Variants in FLVCR2 observed in about 807,000 individuals in gnomAD.
FLVCR2 encodes FLVCR choline and putative heme transporter 2, also known as choline/ethanolamine transporter FLVCR2.
In FLVCR2, 38 loss-of-function variants were observed where a neutral mutation model predicts 48.9. The ratio of observed to expected loss-of-function variants is 0.78; its 90% CI spans 0.60 to 1.02. FLVCR2 has a LOEUF of 1.02. FLVCR2 is among the 50% of genes least tolerant of loss of function. FLVCR2 has a pLI of 0.00. For missense variants in FLVCR2, 664 were observed against 663.3 expected, an observed-to-expected ratio of 1.00 and a Z score of -0.01; for synonymous variants, 255 against 257.0, an observed-to-expected ratio of 0.99 and a Z score of 0.07.
intron 3 of FLVCR2, among the ~76,000 whole-genome samples, chr14:75,633,210 G>C (rs1890088615): frequency 6.6e-6 from 1 of 152,180 alleles, no homozygotes; most frequent in South Asian, 2.1e-4. Flanking sequence ...GATGGTGTCA[G>C]ATGTCAGAGG....
chr14:75,632,759 C>T (rs1890076490), intron 3 of FLVCR2: 4 of 702,122 alleles, frequency 5.7e-6, no homozygotes, highest in Middle Eastern at 2.3e-4. Context: ...GAAAGACCCC[C>T]GGTGGGCATT....
At chr14:75,625,173 C>T (rs1316908765) in intron 3 of FLVCR2, among the ~76,000 whole-genome samples, 2 of 152,104 alleles carry the variant, frequency 1.3e-5, no homozygotes, top group African/African-American at 4.8e-5. Context: ...TCAGCAGTGT[C>T]GGGCCTCGAG....
At position 75,640,794 on chromosome 14, in the gene FLVCR2, T is replaced by G; in HGVS notation, c.1236-161T>G. The G allele has an allele frequency of 1.0e-5, 7 of 683,874 alleles. 1 individual carries two copies. The South Asian group carries it at 1.1e-4, about 11-fold the overall frequency. 42.4% of individuals were successfully genotyped at this position (683,874 alleles called of 1,614,324 possible). Reference sequence around the variant, plus strand: ...TGGCCTTCAGGGGTGCCCGTCTCCTTGGTATGATCACATAGAGGATGCCCA... The same window carrying G: ...TGGCCTTCAGGGGTGCCCGTCTCCTGGGTATGATCACATAGAGGATGCCCA... On this transcript the variant is annotated intron_variant, in intron 6 of 9. Coordinates refer to ENST00000238667, the MANE Select transcript of FLVCR2 (RefSeq NM_017791.3).
chr14:75,634,904 C>T lies in FLVCR2; in HGVS notation c.1021-6C>T, dbSNP rs1280435611. ...CGGGTGATCTTTGGGGTTATGGTTT[C>T]CCCAGGGGGAAGAAGTGAATGCTGG... On this transcript the variant is annotated splice_region_variant and splice_polypyrimidine_tract_variant and intron_variant, in intron 4 of 9. Coordinates refer to ENST00000238667, the MANE Select transcript of FLVCR2 (RefSeq NM_017791.3). 3 of 1,604,396 alleles carry T rather than the reference C, an allele frequency of 1.9e-6. No homozygotes were observed. Among genetic ancestry groups the T allele is most frequent in the Admixed American group, 3.3e-5 (2 of 59,920 alleles).
chr14:75,620,905 C>T (rs536138469), intron 1 of FLVCR2, among the ~76,000 whole-genome samples: 1 of 152,188 alleles, frequency 6.6e-6, no homozygotes, highest in Non-Finnish European at 1.5e-5. Context: ...GTAGCTCTTT[C>T]AAGTACAACA....
chr14:75,631,921 A>G (rs748956503), intron 3 of FLVCR2: 15 of 447,318 alleles, frequency 3.4e-5, no homozygotes, highest in Non-Finnish European at 6.3e-5. Context: ...AGTTGTAGTG[A>G]TGTTTGGGGA....
chr14:75,646,076 G>A (rs1888628746), intron 9 of FLVCR2, among the ~76,000 whole-genome samples: 1 of 152,120 alleles, frequency 6.6e-6, no homozygotes, highest in South Asian at 2.1e-4. Flanking sequence ...AGGGAAAAGG[G>A]GCTTTGCTTC....
chr14:75,584,893 T>A (rs1335396726), intron 1 of FLVCR2, among the ~76,000 whole-genome samples: 1 of 152,234 alleles, frequency 6.6e-6, no homozygotes, highest in African/African-American at 2.4e-5. Context: ...AAAGGTCTGA[T>A]AGGCACATGT....
chr14:75,616,417 T>C (rs1286320607), intron 1 of FLVCR2, among the ~76,000 whole-genome samples: 1 of 152,056 alleles, frequency 6.6e-6, no homozygotes, highest in East Asian at 1.9e-4. Context: ...GGGACCAAAT[T>C]TGATGGAAGC....
At chr14:75,640,258 C>CAAAA (rs11453901) in intron 6 of FLVCR2, among the ~76,000 whole-genome samples, 1 of 97,624 alleles carries the variant, frequency 1.0e-5, no homozygotes, top group Non-Finnish European at 1.9e-5. Context: ...GACTCCGTCT[C>CAAAA]AAAAAAAAAA....
At chr14:75,585,069 G>A (rs1566781760) in intron 1 of FLVCR2, among the ~76,000 whole-genome samples, 1 of 152,112 alleles carries the variant, frequency 6.6e-6, no homozygotes, top group Non-Finnish European at 1.5e-5. Flanking sequence ...AGAAATTGGG[G>A]CCTGGCTCAG....
intron 1 of FLVCR2, among the ~76,000 whole-genome samples, chr14:75,618,529 A>G (rs1196901205): frequency 1.3e-5 from 2 of 152,356 alleles, no homozygotes; most frequent in East Asian, 3.9e-4. Flanking sequence ...GAACAAGTGC[A>G]GGGATGTAAG....
intron 9 of FLVCR2, among the ~76,000 whole-genome samples, chr14:75,645,275 A>C (rs1890396353): frequency 6.6e-6 from 1 of 152,202 alleles, no homozygotes; most frequent in Non-Finnish European, 1.5e-5. Flanking sequence ...TCCACTTGAC[A>C]TTGGCTTCTG....
At chr14:75,607,805 G>C (rs549712297) in intron 1 of FLVCR2, among the ~76,000 whole-genome samples, 2 of 152,262 alleles carry the variant, frequency 1.3e-5, no homozygotes, top group East Asian at 3.9e-4. Context: ...CGGTGTGGTG[G>C]TTCACACCTG....
In FLVCR2 at chr14:75,629,623, T is replaced by C. The variant is rs550930252; in HGVS notation, c.953-4006T>C. Among the ~76,000 whole-genome samples the C allele has an allele frequency of 5.9e-5, 9 of 152,346 alleles. No homozygotes were observed. In the South Asian group the frequency reaches 1.9e-3, roughly 32 times the overall value. On this transcript the variant is annotated intron_variant, in intron 3 of 9. Transcript: ENST00000238667. ...TGGGATGGAGAAAGGAACCTTCCTC[T>C]GGCTACCTTCTCTTTGTGTCTCTGG...
Position 75,584,098 on chromosome 14 carries a change from C to T in FLVCR2, c.669+4457C>T, listed in dbSNP as rs555287650. The stretch of plus-strand genomic sequence containing the variant: ...ACGGCTTAGGAGGAATCCCGGGCTG[C>T]GGGCATTCTGAGGCCCAGTGGCCAG... On this transcript the variant is annotated intron_variant, in intron 1 of 9. Transcript: ENST00000238667. 9.2e-5 allele frequency among the ~76,000 whole-genome samples: 14 copies of T among 152,254 alleles called. No homozygotes were observed. The East Asian group carries it at 2.3e-3, about 25-fold the overall frequency.
chr14:75,642,089 A>G, intron 9 of FLVCR2, 191 bp downstream of exon 9: 1 of 618,618 alleles, frequency 1.6e-6, no homozygotes, highest in South Asian at 2.0e-5. Context: ...CGTTCTTGCT[A>G]CTGCTACCCT....
chr14:75,618,780 G>C lies in FLVCR2; in HGVS notation c.670-3299G>C, dbSNP rs1042329181. On this transcript the variant is annotated intron_variant, in intron 1 of 9. Coordinates refer to ENST00000238667, the MANE Select transcript of FLVCR2 (RefSeq NM_017791.3). ...AGTATCACACCAACATTTCATGGAA[G>C]GCAGCAAAGTGAGCCTGGGTTCTGA... Among the ~76,000 whole-genome samples, 9 of 152,324 alleles carry C rather than the reference G, an allele frequency of 5.9e-5. 1 individual carries two copies. The South Asian group carries it at 1.9e-3, about 32-fold the overall frequency.
At chr14:75,599,330 C>T (rs566774669) in intron 1 of FLVCR2, among the ~76,000 whole-genome samples, 23 of 150,806 alleles carry the variant, frequency 1.5e-4, no homozygotes, top group Non-Finnish European at 2.7e-4. Context: ...TACAACACCC[C>T]CCCCCAAAAA....
Sources: allele counts gnomAD v4.1 joint callset (sites outside exome capture counted in the v4.1 genomes callset), GRCh38; gene constraint gnomAD v4.1.1; transcripts MANE v1.5; gene names NCBI Gene and HGNC (gene_info 2026-07-23, HGNC 2026-07-21).